Variants in RAI1 observed in about 807,000 individuals in gnomAD.
RAI1 encodes the protein retinoic acid induced 1.
A neutral mutation model predicts 123.8 loss-of-function variants in RAI1; 9 were observed. That is an observed-to-expected ratio of 0.07 (90% CI 0.04 to 0.13). RAI1 has a LOEUF of 0.13. RAI1 is among the 10% of genes least tolerant of loss of function. The probability of loss-of-function intolerance (pLI) is 1.00; values close to 1 mark genes in which losing one functional copy is unlikely to be tolerated. For missense variants in RAI1, 2,256 were observed against 2,545.8 expected, an observed-to-expected ratio of 0.89 and a Z score of 2.45; for synonymous variants, 1,231 against 1,127.3, an observed-to-expected ratio of 1.09 and a Z score of -1.84.
chr17:17,780,073 G>GC (rs551149823), intron 2 of RAI1, among the ~76,000 whole-genome samples: 1,126 of 16,400 alleles, frequency 0.069, 15 homozygotes, highest in South Asian at 0.31. Context: ...CTCCACCCAG[G>GC]CTTTTTTTTA....
chr17:17,809,374 T>G lies in RAI1; in HGVS notation c.5660-16T>G. 1 of 1,601,988 alleles carries G rather than the reference T, an allele frequency of 6.2e-7. No individual in the cohort carries two copies. The highest frequency in any genetic ancestry group is 8.6e-7 in the Non-Finnish European group (1 of 1,169,150). On this transcript the variant is annotated splice_polypyrimidine_tract_variant and intron_variant, in intron 4 of 5. Transcript: ENST00000353383. The surrounding 1 kb of genome is among the most constrained non-coding windows in gnomAD (Gnocchi z 4.9). ...CCCACCCTGTCCTAACCACCGAAAC[T>G]TCTCTTTGGTCACAGGTTGCATATT... is the stretch of plus-strand genomic sequence containing the variant.
intron 2 of RAI1, among the ~76,000 whole-genome samples, chr17:17,754,479 G>A (rs2030353387): frequency 6.6e-6 from 1 of 152,038 alleles, no homozygotes; most frequent in Admixed American, 6.6e-5. Flanking sequence ...CGGGTGATCC[G>A]CCTGCCTCGG....
chr17:17,790,809 C>T (rs974454466), intron 2 of RAI1, among the ~76,000 whole-genome samples: 3 of 152,082 alleles, frequency 2.0e-5, no homozygotes, highest in Middle Eastern at 3.2e-3. Context: ...GGGCAGGGAG[C>T]GGGCGCTGTG....
rs368771476 is a variant in RAI1, at chr17:17,688,403, G to T, written c.-149+6610G>T. 7.9e-5 allele frequency among the ~76,000 whole-genome samples: 12 copies of T among 151,644 alleles called. No individual in the cohort carries two copies. The South Asian group carries it at 1.5e-3, about 18-fold the overall frequency. On this transcript the variant is annotated intron_variant, in intron 1 of 5. Transcript: ENST00000353383. ...GGAGGCTGAGGCAGGAGGATCACTT[G>T]AACCCCGGGGGGTGGAAGTTGGAAT...
chr17:17,778,838 C>G (rs190628598), intron 2 of RAI1: 1 of 456,650 alleles, frequency 2.2e-6, no homozygotes, highest in Admixed American at 2.3e-5. Flanking sequence ...GGCTCTCTCC[C>G]CCAGATGCTG....
At chr17:17,757,322 G>GCTC (rs1379933284) in intron 2 of RAI1, among the ~76,000 whole-genome samples, 1 of 152,240 alleles carries the variant, frequency 6.6e-6, no homozygotes. Flanking sequence ...GTTTGCGGAG[G>GCTC]CAGGAGAGAG....
In RAI1 at chr17:17,794,306, T is replaced by C. The variant is rs1265184039; in HGVS notation, c.1358T>C (p.Leu453Pro). Residue 453 changes from leucine to proline, a missense_variant, in exon 3 of 6, where the codon CTG (leucine) becomes CCG (proline). Coordinates refer to ENST00000353383, the MANE Select transcript of RAI1 (RefSeq NM_030665.4). ...ATCTCCAACACCGTCCAGCAGCTGC[T>C]GCTCTCCAAGGCTGCTGTGCCGCAG... ...ENISNTVQQL[L>P]LSKAAVPQKK... 1 of 1,613,154 alleles carries C rather than the reference T, an allele frequency of 6.2e-7. No homozygotes were observed. The highest frequency in any genetic ancestry group is 8.5e-7 in the Non-Finnish European group (1 of 1,180,010).
Position 17,809,419 on chromosome 17 carries a change from T to G in RAI1, c.5689T>G (p.Leu1897Val). The G allele has an allele frequency of 6.2e-7, 1 of 1,607,704 alleles. No homozygotes were observed. The highest frequency in any genetic ancestry group is 8.5e-7 in the Non-Finnish European group (1 of 1,174,374). The change falls in exon 5 of 6, where the codon TTG becomes GTG. Residue 1897 changes from leucine (L) to valine (V), a missense_variant. Coordinates refer to ENST00000353383, the MANE Select transcript of RAI1 (RefSeq NM_030665.4). The surrounding 1 kb of genome is among the most constrained non-coding windows in gnomAD (Gnocchi z 4.9). The part of the protein sequence containing the change: ...GCIFIEENFS[L>V]KCPKHKRLP ...CATATTCATCGAAGAGAACTTTTCT[T>G]TGAAATGTCCCAAACATAAGGTAGG...
Position 17,707,247 on chromosome 17 carries a change from C to T in RAI1, c.-148-16781C>T, listed in dbSNP as rs180744386. Among the ~76,000 whole-genome samples the T allele has an allele frequency of 3.2e-3, 487 of 152,232 alleles. 4 individuals are homozygous for T. The highest frequency in any genetic ancestry group is 3.4e-3 in the Middle Eastern group (1 of 294). On this transcript the variant is annotated intron_variant, in intron 1 of 5. Transcript: ENST00000353383. The stretch of plus-strand genomic sequence containing the variant: ...ATCGCTTGAGCCCCGGAGTTTGAAT[C>T]CAGCCTGGGTAACATAGCAAGACCT...
chr17:17,796,603 C>T lies in RAI1; in HGVS notation c.3655C>T (p.Leu1219Phe), dbSNP rs151290050. 2.4e-4 allele frequency: 380 copies of T among 1,612,234 alleles called. 1 individual carries two copies. In the African/African-American group the frequency reaches 4.6e-3, roughly 19 times the overall value. ...GAGSKLSDRP[L>F]HALKRKSAFM... ...AGGCAGCAAGCTCTCTGACCGGCCC[C>T]TCCATGCGCTCAAAAGGAAGTCGGC... Residue 1219 changes from leucine to phenylalanine, a missense_variant, in exon 3 of 6, where the codon CTC becomes TTC. Leu to Phe is a conservative substitution (Grantham distance 22, BLOSUM62 0). This residue lies in a region of RAI1 where 322 missense variants were observed against 358.0 expected (regional missense o/e 0.90). Coordinates refer to ENST00000353383, the MANE Select transcript of RAI1 (RefSeq NM_030665.4). The surrounding 1 kb of genome is among the most constrained non-coding windows in gnomAD (Gnocchi z 5.8).
intron 2 of RAI1, among the ~76,000 whole-genome samples, chr17:17,768,830 G>A (rs1037731288): frequency 4.6e-5 from 7 of 152,234 alleles, no homozygotes; most frequent in Admixed American, 2.6e-4. Flanking sequence ...ACTTCTTCCC[G>A]GCAGGGTGGG....
At chr17:17,741,387 G>A (rs1460809191) in intron 2 of RAI1, among the ~76,000 whole-genome samples, 1 of 152,154 alleles carries the variant, frequency 6.6e-6, no homozygotes, top group East Asian at 1.9e-4. Flanking sequence ...CCTCCCTCCC[G>A]GGCCCCTCCA....
Position 17,794,726 on chromosome 17 carries a change from A to C in RAI1, c.1778A>C (p.Asp593Ala), listed in dbSNP as rs775194589. The part of the protein sequence containing the change: ...SFSKFVAGER[D>A]CPRLLLSALA... ...TCCAAGTTCGTGGCGGGTGAGCGGG[A>C]CTGTCCGCGGCTGCTGCTCAGCGCC... Residue 593 changes from aspartate to alanine, a missense_variant, in exon 3 of 6, where the codon GAC becomes GCC. Around this residue, in one of 7 missense-constraint regions of RAI1, gnomAD observed 357 missense variants for 480.2 expected, o/e 0.74. Coordinates refer to ENST00000353383, the MANE Select transcript of RAI1 (RefSeq NM_030665.4). 1.3e-5 allele frequency: 21 copies of C among 1,611,070 alleles called. No homozygotes were observed. The highest frequency in any genetic ancestry group is 1.6e-4 in the Middle Eastern group (1 of 6,084).
intron 1 of RAI1, among the ~76,000 whole-genome samples, chr17:17,710,066 G>C (rs180870240): frequency 6.6e-6 from 1 of 152,158 alleles, no homozygotes; most frequent in African/African-American, 2.4e-5. Flanking sequence ...TGCACCACTC[G>C]CCTAGCCCCG....
chr17:17,733,168 G>A (rs1916322437), intron 2 of RAI1, among the ~76,000 whole-genome samples: 1 of 152,094 alleles, frequency 6.6e-6, no homozygotes, highest in Admixed American at 6.5e-5. Context: ...TTAGACCTGG[G>A]TTCCTGCCCT....
chr17:17,709,924 AC>A (rs1915512650), intron 1 of RAI1, among the ~76,000 whole-genome samples: 1 of 152,192 alleles, frequency 6.6e-6, no homozygotes, highest in African/African-American at 2.4e-5. Context: ...AGGCGTGCGC[AC>A]ATTCCTAGAT....
At chr17:17,717,722 G>T (rs1477511002) in intron 1 of RAI1, among the ~76,000 whole-genome samples, 1 of 152,164 alleles carries the variant, frequency 6.6e-6, no homozygotes, top group Non-Finnish European at 1.5e-5. Flanking sequence ...AAGTTCAGCA[G>T]ATTTGACTTC....
intron 2 of RAI1, chr17:17,765,668 G>C (rs943796618): frequency 2.6e-5 from 4 of 152,260 alleles, no homozygotes; most frequent in Admixed American, 2.6e-4. Flanking sequence ...CGTTTCACAA[G>C]AGGGAAGACG....
At chr17:17,700,936 C>T (rs1915201902) in intron 1 of RAI1, among the ~76,000 whole-genome samples, 1 of 152,226 alleles carries the variant, frequency 6.6e-6, no homozygotes, top group Non-Finnish European at 1.5e-5. Context: ...TTGCACATTA[C>T]GTGCCAGGCG....
Sources: gnomAD v4.1 joint callset for allele counts (sites outside exome capture counted in the v4.1 genomes callset) on GRCh38, gnomAD v4.1.1 for gene constraint, gnomAD v4.1.1 regional missense constraint, Gnocchi (gnomAD v3.1) non-coding constraint, MANE v1.5 for transcripts, NCBI Gene and HGNC (gene_info 2026-07-23, HGNC 2026-07-21) for gene names.